The following ATXN10 variants were observed in gnomAD, a reference collection of about 807,000 sequenced individuals.
ATXN10 encodes ataxin 10.
In ATXN10, 28 loss-of-function variants were observed where a neutral mutation model predicts 52.9. That is an observed-to-expected ratio of 0.53 (90% confidence interval 0.39 to 0.73). The LOEUF (loss-of-function observed/expected upper bound fraction) is 0.73, where lower values mean the gene tolerates loss of function less well. Ranked by LOEUF, ATXN10 falls within the 30% of genes least tolerant of loss-of-function variation. The pLI is 0.00. For missense variants in ATXN10, 565 were observed against 577.0 expected, an observed-to-expected ratio of 0.98 and a Z score of 0.21; for synonymous variants, 226 against 221.5, an observed-to-expected ratio of 1.02 and a Z score of -0.18.
At chr22:45,799,001 TA>T (rs1373795542) in intron 9 of ATXN10, among the ~76,000 whole-genome samples, 1 of 152,106 alleles carries the variant, frequency 6.6e-6, no homozygotes, top group Non-Finnish European at 1.5e-5. Flanking sequence ...TCAATATTGT[TA>T]AGTGTTAGAT....
Position 45,740,423 on chromosome 22 carries a change from A to G in ATXN10, c.1058A>G (p.Asn353Ser). 1.2e-6 allele frequency: 2 copies of G among 1,613,920 alleles called. No homozygotes were observed. The highest frequency in any genetic ancestry group is 8.5e-7 in the Non-Finnish European group (1 of 1,179,902). ...AGKETTNIFSNCGCVRAEGDI... is the reference protein window; with the variant it reads ...AGKETTNIFSSCGCVRAEGDI... ...AAAGAAACCACAAACATCTTCAGTA[A>G]TTGTGGTTGCGTGAGAGCAGAAGGT... Residue 353 changes from asparagine (N) to serine (S), a missense_variant, in exon 9 of 12, where the codon AAT (asparagine) becomes AGT (serine). Physicochemically the swap from Asn to Ser is conservative, Grantham distance 46. Transcript: ENST00000252934.
intron 10 of ATXN10, among the ~76,000 whole-genome samples, chr22:45,832,775 A>G (rs897706695): frequency 2.0e-5 from 3 of 152,228 alleles, no homozygotes; most frequent in African/African-American, 4.8e-5. Context: ...TGTTCATAGA[A>G]AAGAGGAAAA....
In ATXN10 at chr22:45,843,469, A is replaced by C. The variant is rs1487534535; in HGVS notation, c.1426-200A>C. ...TAAAAGTAAGTTACTCATAGGAATTAGATTTTCTTTAAAAGATAGTTAATG... is the reference window on the plus strand; with the variant it reads ...TAAAAGTAAGTTACTCATAGGAATTCGATTTTCTTTAAAAGATAGTTAATG... On this transcript the variant is annotated intron_variant, in intron 11 of 11. Transcript: ENST00000252934. The surrounding 1 kb of genome is among the most constrained non-coding windows in gnomAD (Gnocchi z 4.5). Among the ~76,000 whole-genome samples the C allele has an allele frequency of 2.6e-5, 4 of 152,252 alleles. No individual in the cohort carries two copies. The highest frequency in any genetic ancestry group is 5.9e-5 in the Non-Finnish European group (4 of 68,034).
At chr22:45,817,327 T>C (rs895710167) in intron 10 of ATXN10, among the ~76,000 whole-genome samples, 9 of 149,898 alleles carry the variant, frequency 6.0e-5, no homozygotes, top group African/African-American at 2.0e-4. Context: ...ACTTTTTTTT[T>C]TTTTTTTTTT....
intron 9 of ATXN10, among the ~76,000 whole-genome samples, chr22:45,743,656 T>A (rs1230135881): frequency 6.6e-6 from 1 of 152,236 alleles, no homozygotes; most frequent in Non-Finnish European, 1.5e-5. Context: ...TTTCGTATCA[T>A]CTAGCCTAAT....
chr22:45,680,764 C>G (rs1922888863), intron 1 of ATXN10, among the ~76,000 whole-genome samples: 1 of 152,000 alleles, frequency 6.6e-6, no homozygotes, highest in South Asian at 2.1e-4. Flanking sequence ...GTTCCTGGAA[C>G]CCTTTAAGGT....
In ATXN10 at chr22:45,824,185, A is replaced by C. The variant is rs1928744968; in HGVS notation, c.1237+17163A>C. The stretch of plus-strand genomic sequence containing the variant: ...TCCGGCACTCTGGCCACCCTCTTCT[A>C]ATATCCCACACTGCCCCTGCAGCTC... On this transcript the variant is annotated intron_variant, in intron 10 of 11. Transcript: ENST00000252934. The surrounding 1 kb of genome is among the most constrained non-coding windows in gnomAD (Gnocchi z 5.2). Among the ~76,000 whole-genome samples the C allele has an allele frequency of 6.6e-6, 1 of 151,952 alleles. No individual in the cohort carries two copies. Among genetic ancestry groups the C allele is most frequent in the Non-Finnish European group, 1.5e-5 (1 of 67,994 alleles).
intron 5 of ATXN10, among the ~76,000 whole-genome samples, chr22:45,711,937 T>C (rs1017270512): frequency 1.3e-5 from 2 of 152,232 alleles, no homozygotes; most frequent in Non-Finnish European, 2.9e-5. Context: ...GGAATGCATC[T>C]TGTGATTTTG....
chr22:45,692,856 G>C (rs1202327749), intron 2 of ATXN10, 140 bp from the exon 3 acceptor site: 2 of 736,754 alleles, frequency 2.7e-6, no homozygotes, highest in Non-Finnish European at 4.7e-6. Context: ...TATTTTTCCT[G>C]TAAAGAGCCA....
chr22:45,693,541 C>T (rs892975172), intron 3 of ATXN10, among the ~76,000 whole-genome samples: 15 of 152,114 alleles, frequency 9.9e-5, no homozygotes, highest in African/African-American at 3.4e-4. Context: ...ATCCCATTCA[C>T]GAGGGCTGCA....
chr22:45,734,534 T>C (rs1233013149), intron 7 of ATXN10: 1 of 154,042 alleles, frequency 6.5e-6, no homozygotes, highest in African/African-American at 2.4e-5. Flanking sequence ...CTCTGGATTT[T>C]TTTTTTTTTT....
rs750555545 is a variant in ATXN10, at chr22:45,814,358, A to G, written c.1237+7336A>G. Among the ~76,000 whole-genome samples, 14 of 152,246 alleles carry G rather than the reference A, an allele frequency of 9.2e-5. 1 individual carries two copies. The highest frequency in any genetic ancestry group is 8.5e-4 in the Admixed American group (13 of 15,284). On this transcript the variant is annotated intron_variant, in intron 10 of 11. Coordinates refer to ENST00000252934, the MANE Select transcript of ATXN10 (RefSeq NM_013236.4). ...GAAGAAATCCAAATGGTTAGTAAGC[A>G]TATGGAATGAATTCAGCATCAGTAG...
intron 10 of ATXN10, among the ~76,000 whole-genome samples, chr22:45,815,818 T>C (rs1928440361): frequency 6.6e-6 from 1 of 152,194 alleles, no homozygotes; most frequent in East Asian, 1.9e-4. Flanking sequence ...ACACAGGTCC[T>C]TCATCCATGT....
rs910221016 is a variant in ATXN10 at position 45,784,325 on chromosome 22, A to G, written c.1174-22634A>G. Among the ~76,000 whole-genome samples, 3 of 152,194 alleles carry G rather than the reference A, an allele frequency of 2.0e-5. No homozygotes were observed. The highest frequency in any genetic ancestry group is 7.2e-5 in the African/African-American group (3 of 41,448). On this transcript the variant is annotated intron_variant, in intron 9 of 11. Transcript: ENST00000252934. The surrounding 1 kb of genome is among the most constrained non-coding windows in gnomAD (Gnocchi z 4.2). The stretch of plus-strand genomic sequence containing the variant: ...TTATTTTCTACCTTGCAAAACCATT[A>G]GGAATACCAAATATTTGCATGGAAG...
chr22:45,823,022 C>T lies in ATXN10; in HGVS notation c.1237+16000C>T, dbSNP rs1928702495. On this transcript the variant is annotated intron_variant, in intron 10 of 11. Coordinates refer to ENST00000252934, the MANE Select transcript of ATXN10 (RefSeq NM_013236.4). The surrounding 1 kb of genome is among the most constrained non-coding windows in gnomAD (Gnocchi z 4.9). Reference sequence around the variant, plus strand: ...ATAGTCTTTCCCATCCATCTTTGTTCTTACTTTCCTCATGGTGTCTTATTA... The same window carrying T: ...ATAGTCTTTCCCATCCATCTTTGTTTTTACTTTCCTCATGGTGTCTTATTA... The T allele has an allele frequency of 6.4e-6, 2 of 310,196 alleles. No homozygotes were observed. The highest frequency in any genetic ancestry group is 1.3e-5 in the Non-Finnish European group (2 of 149,502). The allele number at this position is 310,196 out of a possible 1,614,324, so 19.2% of individuals were successfully genotyped here.
rs1396279943 is a variant in ATXN10, at chr22:45,705,468, C to G, written c.647+2621C>G. On this transcript the variant is annotated intron_variant, in intron 5 of 11. Coordinates refer to ENST00000252934, the MANE Select transcript of ATXN10 (RefSeq NM_013236.4). This position sits in a 1 kb window ranked among gnomAD's most constrained non-coding sequence, Gnocchi z 5.2. ...TTTTTTTTTGAGACGGAGTCTCACT[C>G]TGTTGCCCAGGCTGGAGTGCAGTGG... Among the ~76,000 whole-genome samples the G allele has an allele frequency of 6.6e-6, 1 of 151,812 alleles. No individual in the cohort carries two copies. The highest frequency in any genetic ancestry group is 6.6e-5 in the Admixed American group (1 of 15,242).
chr22:45,731,982 CAG>C (rs1925106152), intron 7 of ATXN10, among the ~76,000 whole-genome samples: 1 of 152,174 alleles, frequency 6.6e-6, no homozygotes, highest in South Asian at 2.1e-4. Flanking sequence ...CTCTAAGAGA[CAG>C]AGAAAAGACA....
chr22:45,757,610 A>G lies in ATXN10; in HGVS notation c.1173+17072A>G, dbSNP rs962053389. ...GAAAAATCATTTCTAGCCATTTTAG[A>G]AAAAAAAAAACATTAGTACAGTATT... On this transcript the variant is annotated intron_variant, in intron 9 of 11. Transcript: ENST00000252934. The surrounding 1 kb of genome is among the most constrained non-coding windows in gnomAD (Gnocchi z 4.6). 8.2e-5 allele frequency among the ~76,000 whole-genome samples: 10 copies of G among 122,494 alleles called. No individual in the cohort carries two copies. Among genetic ancestry groups the G allele is most frequent in the African/African-American group, 1.6e-4 (6 of 37,992 alleles). The allele number at this position is 122,494 out of a possible 152,430, so 80.4% of individuals were successfully genotyped here. A position where few individuals can be genotyped will look rare whatever the true frequency, so the allele number is the denominator to read the frequency against.
At position 45,841,896 on chromosome 22, in the gene ATXN10, C is replaced by G. The variant is rs1329924892; in HGVS notation, c.1238-1095C>G. 6.6e-6 allele frequency among the ~76,000 whole-genome samples: 1 copy of G among 152,246 alleles called. No homozygotes were observed. The highest frequency in any genetic ancestry group is 1.9e-4 in the East Asian group (1 of 5,174). Reference sequence around the variant, plus strand: ...GATCAGAAGACTTGGCTCTTTAGCTCTAGGGTTTGATACCTTGTGGGGACA... The same window carrying G: ...GATCAGAAGACTTGGCTCTTTAGCTGTAGGGTTTGATACCTTGTGGGGACA... On this transcript the variant is annotated intron_variant, in intron 10 of 11. Coordinates refer to ENST00000252934, the MANE Select transcript of ATXN10 (RefSeq NM_013236.4). The surrounding 1 kb of genome is among the most constrained non-coding windows in gnomAD (Gnocchi z 5.1).
Sources: gnomAD v4.1 joint callset for allele counts (sites outside exome capture counted in the v4.1 genomes callset) on GRCh38, gnomAD v4.1.1 for gene constraint, Gnocchi (gnomAD v3.1) non-coding constraint, MANE v1.5 for transcripts, NCBI Gene and HGNC (gene_info 2026-07-23, HGNC 2026-07-21) for gene names.